ASTN2: variants seen among roughly 807,000 people sequenced by gnomAD.
The protein encoded by ASTN2 is astrotactin 2, also known as astrotactin-2.
ASTN2 carries 54 observed loss-of-function variants against 139.8 expected under a neutral mutation model. The ratio of observed to expected loss-of-function variants is 0.39; its 90% CI spans 0.31 to 0.48. The LOEUF is 0.48. Among genes scored for constraint, ASTN2 ranks in the 20% least tolerant of loss-of-function variants. The pLI is 0.95. For missense variants in ASTN2, 1,565 were observed against 1,725.1 expected, an observed-to-expected ratio of 0.91 and a Z score of 1.64; for synonymous variants, 756 against 719.5, an observed-to-expected ratio of 1.05 and a Z score of -0.81.
chr9:116,511,268 T>G (rs1037991462), intron 19 of ASTN2, among the ~76,000 whole-genome samples: 96 of 152,198 alleles, frequency 6.3e-4, no homozygotes, highest in African/African-American at 2.3e-3. Flanking sequence ...AATCATGTGA[T>G]TTTTGTCATT....
chr9:116,918,016 G>A (rs566942061), intron 10 of ASTN2, among the ~76,000 whole-genome samples: 4 of 152,184 alleles, frequency 2.6e-5, no homozygotes, highest in South Asian at 4.2e-4. Flanking sequence ...TAAGTCTCAC[G>A]AGATCTGATG....
intron 16 of ASTN2, among the ~76,000 whole-genome samples, chr9:116,685,061 C>A (rs767649896): frequency 6.6e-6 from 1 of 152,302 alleles, no homozygotes; most frequent in East Asian, 1.9e-4. Flanking sequence ...TTAGAAATTG[C>A]GGTTTAGGAG....
chr9:117,316,884 C>T (rs999336174), intron 1 of ASTN2, among the ~76,000 whole-genome samples: 2 of 152,116 alleles, frequency 1.3e-5, no homozygotes, highest in Non-Finnish European at 2.9e-5. Flanking sequence ...CAGAAGTTGT[C>T]CAAGAAAGAT....
Position 117,375,798 on chromosome 9 carries a change from G to C in ASTN2, c.442+38699C>G, listed in dbSNP as rs1405128558. 2.0e-5 allele frequency among the ~76,000 whole-genome samples: 3 copies of C among 152,148 alleles called. No individual in the cohort carries two copies. In the South Asian group the frequency reaches 6.2e-4, roughly 32 times the overall value. ...GGTCGGAAGTCCAAAGTGGGCTTTT[G>C]TGGGGCAAAATCAAGGTGTCAGCAG... On this transcript the variant is annotated intron_variant, in intron 1 of 22. Coordinates refer to ENST00000313400, the MANE Select transcript of ASTN2 (RefSeq NM_001365068.1).
At chr9:117,166,300 G>C (rs984897382) in intron 3 of ASTN2, among the ~76,000 whole-genome samples, 3 of 152,060 alleles carry the variant, frequency 2.0e-5, no homozygotes, top group Non-Finnish European at 4.4e-5. Flanking sequence ...AAATCCTCCG[G>C]TATGGCTCCC....
chr9:116,449,196 A>G (rs959243729), intron 20 of ASTN2, among the ~76,000 whole-genome samples: 1 of 152,214 alleles, frequency 6.6e-6, no homozygotes, highest in Non-Finnish European at 1.5e-5. Context: ...GCATGAGCCC[A>G]GGAGTTCAAA....
At chr9:117,185,652 T>C (rs1433648854) in intron 3 of ASTN2, among the ~76,000 whole-genome samples, 2 of 152,112 alleles carry the variant, frequency 1.3e-5, no homozygotes, top group African/African-American at 2.4e-5. Context: ...AATTCTTTCA[T>C]GGAGTGCTTG....
At chr9:117,215,064 C>G (rs1377018745) in intron 2 of ASTN2, among the ~76,000 whole-genome samples, 1 of 152,122 alleles carries the variant, frequency 6.6e-6, no homozygotes, top group Non-Finnish European at 1.5e-5. Context: ...ACGGTCATGT[C>G]AGAGCAATAC....
intron 10 of ASTN2, among the ~76,000 whole-genome samples, chr9:116,873,015 T>C (rs2132355543): frequency 6.6e-6 from 1 of 152,268 alleles, no homozygotes; most frequent in South Asian, 2.1e-4. Context: ...TGCTTTTATT[T>C]AGAGTAATAT....
At chr9:116,749,731 G>A (rs976266624) in intron 13 of ASTN2, among the ~76,000 whole-genome samples, 1 of 152,156 alleles carries the variant, frequency 6.6e-6, no homozygotes, top group Non-Finnish European at 1.5e-5. Context: ...GGATCATGGG[G>A]GTGGATCCCC....
intron 7 of ASTN2, among the ~76,000 whole-genome samples, chr9:116,983,127 T>C (rs1317042101): frequency 1.3e-5 from 2 of 152,206 alleles, no homozygotes; most frequent in Admixed American, 1.3e-4. Flanking sequence ...ACTTTCTTAT[T>C]TGCTCTTCTT....
chr9:116,597,276 A>AAT (rs1301269890), intron 19 of ASTN2, among the ~76,000 whole-genome samples: 1 of 141,432 alleles, frequency 7.1e-6, no homozygotes, highest in Admixed American at 7.5e-5. Context: ...TGAAGATACA[A>AAT]AATATTCCAT....
rs531112000 is a variant in ASTN2 at position 116,929,271 on chromosome 9, C to T, written c.1889+45937G>A. On this transcript the variant is annotated intron_variant, in intron 10 of 22. Coordinates refer to ENST00000313400, the MANE Select transcript of ASTN2 (RefSeq NM_001365068.1). ...AGGCGGAAGTGTGGCAGATGCAGGA[C>T]GAAAAGAAGATGCCACTGACTAGTG... Among the ~76,000 whole-genome samples, 28 of 152,226 alleles carry T rather than the reference C, an allele frequency of 1.8e-4. 1 individual carries two copies. The highest frequency in any genetic ancestry group is 4.3e-4 in the African/African-American group (18 of 41,540).
At chr9:116,572,343 C>T (rs58098887) in intron 19 of ASTN2, among the ~76,000 whole-genome samples, 2,213 of 152,290 alleles carry the variant, frequency 0.015, 58 homozygotes, top group African/African-American at 0.05. Flanking sequence ...GGTGTGGGAG[C>T]GCCCTCTGTT....
At chr9:117,344,961 C>G (rs1829168862) in intron 1 of ASTN2, among the ~76,000 whole-genome samples, 1 of 152,132 alleles carries the variant, frequency 6.6e-6, no homozygotes, top group East Asian at 1.9e-4. Context: ...CACATGCCGC[C>G]TGTACAAGAG....
At chr9:116,599,253 C>T (rs1447220233) in intron 19 of ASTN2, among the ~76,000 whole-genome samples, 1 of 152,132 alleles carries the variant, frequency 6.6e-6, no homozygotes, top group Non-Finnish European at 1.5e-5. Flanking sequence ...GCCAGGAATC[C>T]AGATTTTCAC....
At position 116,423,184 on chromosome 9, in the gene ASTN2, C is replaced by A. The variant is rs1424019829; in HGVS notation, c.*2667G>T. Among the ~76,000 whole-genome samples the A allele has an allele frequency of 1.3e-5, 2 of 151,928 alleles. No individual in the cohort carries two copies. The highest frequency in any genetic ancestry group is 2.4e-5 in the African/African-American group (1 of 41,352). On this transcript the variant is annotated 3_prime_UTR_variant, in exon 23 of 23. Coordinates refer to ENST00000313400, the MANE Select transcript of ASTN2 (RefSeq NM_001365068.1). ...CCAACCAGATTTTCCTGGATGTCTG[C>A]CCAAGACTCACAGTATTATGCATAT...
At chr9:116,803,958 T>A (rs1039240124) in intron 13 of ASTN2, among the ~76,000 whole-genome samples, 18 of 151,990 alleles carry the variant, frequency 1.2e-4, no homozygotes, top group African/African-American at 4.1e-4. Flanking sequence ...TGAGCCACCA[T>A]GCCTGGCTCG....
chr9:117,264,569 C>G (rs930803037), intron 2 of ASTN2, among the ~76,000 whole-genome samples: 7 of 152,060 alleles, frequency 4.6e-5, no homozygotes, highest in Non-Finnish European at 7.4e-5. Flanking sequence ...ATAAATAGGT[C>G]AGAGCTTTCA....
Sources: gnomAD v4.1 joint callset for allele counts (sites outside exome capture counted in the v4.1 genomes callset) on GRCh38, gnomAD v4.1.1 for gene constraint, MANE v1.5 for transcripts, NCBI Gene and HGNC (gene_info 2026-07-23, HGNC 2026-07-21) for gene names.